DSG2: variants seen among roughly 807,000 people sequenced by gnomAD.
DSG2 encodes desmoglein-2.
A neutral mutation model predicts 75.6 loss-of-function variants in DSG2; 45 were observed. The ratio of observed to expected loss-of-function variants is 0.60; its 90% CI spans 0.47 to 0.76. The LOEUF (loss-of-function observed/expected upper bound fraction) is 0.76. Among genes scored for constraint, DSG2 ranks in the 30% least tolerant of loss-of-function variants. The probability of loss-of-function intolerance (pLI) is 0.00; values close to 1 mark genes in which losing one functional copy is unlikely to be tolerated. For synonymous variants in DSG2, 429 were observed against 483.9 expected, an observed-to-expected ratio of 0.89 and a Z score of 1.49; for missense variants, 1,267 against 1,357.4, an observed-to-expected ratio of 0.93 and a Z score of 1.05.
At chr18:31,534,402 C>T (rs1490360789) in intron 9 of DSG2, among the ~76,000 whole-genome samples, 4 of 151,994 alleles carry the variant, frequency 2.6e-5, no homozygotes, top group East Asian at 1.9e-4. Flanking sequence ...ACGATTTTAT[C>T]GGCATTGTTT....
Position 31,521,243 on chromosome 18 carries a change from C to T in DSG2, c.523C>T (p.His175Tyr), listed in dbSNP as rs375422019. 10 of 1,601,396 alleles carry T rather than the reference C, an allele frequency of 6.2e-6. No individual in the cohort carries two copies. Among genetic ancestry groups the T allele is most frequent in the Admixed American group, 5.1e-5 (3 of 58,350 alleles). Residue 175 changes from histidine (H) to tyrosine (Y), a missense_variant and splice_region_variant, in exon 5 of 15, where the codon CAT becomes TAT. Physicochemically the swap from His to Tyr is moderately conservative, Grantham distance 83 (BLOSUM62 2). Coordinates refer to ENST00000261590, the MANE Select transcript of DSG2 (RefSeq NM_001943.5). ...VGSVEELSAAHTLVMKINATD... is the reference protein window; with the variant it reads ...VGSVEELSAAYTLVMKINATD... ...GTCTGTTGAAGAGTTGAGTGCAGCA[C>T]GTAAGAGTCTTTTTTTTTTTTTTTA...
intron 13 of DSG2, 108 bp from the exon 14 acceptor site, chr18:31,542,412 G>A: frequency 8.4e-7 from 1 of 1,188,042 alleles, no homozygotes; most frequent in East Asian, 2.3e-5. Context: ...GGCCTCAGTG[G>A]AAATAGCTTA....
intron 6 of DSG2, among the ~76,000 whole-genome samples, chr18:31,523,459 C>T (rs1381798568): frequency 6.6e-6 from 1 of 152,116 alleles, no homozygotes; most frequent in Non-Finnish European, 1.5e-5. Context: ...CTGTGCCTAA[C>T]AGGCTTAAGG....
chr18:31,500,059 A>AAAT (rs1242354158), intron 1 of DSG2, among the ~76,000 whole-genome samples: 2 of 151,274 alleles, frequency 1.3e-5, no homozygotes, highest in Admixed American at 1.3e-4. Context: ...AAAAAAAAAA[A>AAAT]TGGAAAGCAA....
chr18:31,536,838 C>A (rs1255665537), intron 11 of DSG2, among the ~76,000 whole-genome samples: 2 of 152,202 alleles, frequency 1.3e-5, no homozygotes, highest in Non-Finnish European at 2.9e-5. Context: ...CATATTTAAT[C>A]CTTCCTTCAA....
rs1332523449 is a variant in DSG2 at position 31,546,598 on chromosome 18, C to CT, written c.3213dup (p.Arg1072Ter). 4 of 1,614,076 alleles carry CT rather than the reference C, an allele frequency of 2.5e-6. No individual in the cohort carries two copies. The African/African-American group carries it at 5.3e-5, about 22-fold the overall frequency. ...ATTCCCACTGAAAATTCTATGACGG[C>CT]TAGGAACACCACGGTGTCTGGAGCT... On this transcript the variant is annotated frameshift_variant, in exon 15 of 15. Transcript: ENST00000261590. LOFTEE classifies it low-confidence loss of function (END_TRUNC).
rs1420028518 is a variant in DSG2, at chr18:31,545,878, T to C, written c.2492T>C (p.Leu831Pro). Residue 831 changes from leucine to proline, a missense_variant, in exon 15 of 15, where the codon CTT becomes CCT. Transcript: ENST00000261590. ...GACCGCTTCTTAGATGATTTGGGAC[T>C]TAAATTCAAGACACTAGCTGAAGTT... ...LDDRFLDDLG[L>P]KFKTLAEVCL... 1.9e-6 allele frequency: 3 copies of C among 1,614,034 alleles called. No individual in the cohort carries two copies. Among genetic ancestry groups the C allele is most frequent in the African/African-American group, 2.7e-5 (2 of 74,916 alleles).
chr18:31,503,020 G>C (rs1598801545), intron 1 of DSG2, among the ~76,000 whole-genome samples: 1 of 152,196 alleles, frequency 6.6e-6, no homozygotes, highest in Non-Finnish European at 1.5e-5. Flanking sequence ...TTGGTGATTA[G>C]AGTGAAGAAG....
intron 1 of DSG2, among the ~76,000 whole-genome samples, chr18:31,509,019 A>T (rs2073053313): frequency 6.6e-6 from 1 of 152,162 alleles, no homozygotes; most frequent in Non-Finnish European, 1.5e-5. Flanking sequence ...AACCACTGTT[A>T]ACATCCCAAT....
rs748723718 is a variant in DSG2 at position 31,524,775 on chromosome 18, AT to A, written c.902del (p.Ile301LysfsTer23). 1 of 1,614,200 alleles carries A rather than the reference AT, an allele frequency of 6.2e-7. No individual in the cohort carries two copies. Among genetic ancestry groups the A allele is most frequent in the Admixed American group, 1.7e-5 (1 of 60,030 alleles). The stretch of plus-strand genomic sequence containing the variant: ...CATAAAAGTGTTCGATGCAGATGAA[AT>A]AGGTTCTGATAATTGGCTGGCAAAT... ...TRIKVFDADE[I>X]GSDNWLANFT... On this transcript the variant is annotated frameshift_variant, in exon 8 of 15. Transcript: ENST00000261590. LOFTEE classifies it high-confidence loss of function.
chr18:31,524,856 C>G lies in DSG2; in HGVS notation c.982C>G (p.Gln328Glu). Reference sequence around the variant, plus strand: ...TTATTTCCACATAGAAACAGATGCTCAAACTAACGAAGGAATTGTGACCCT... The same window carrying G: ...TTATTTCCACATAGAAACAGATGCTGAAACTAACGAAGGAATTGTGACCCT... ...GGYFHIETDA[Q>E]TNEGIVTLIK... The change falls in exon 8 of 15, where the codon CAA becomes GAA. Residue 328 changes from glutamine (Q) to glutamate (E), a missense_variant. Gln to Glu is a conservative substitution (Grantham distance 29). Transcript: ENST00000261590. 1.9e-6 allele frequency: 3 copies of G among 1,614,126 alleles called. No homozygotes were observed. The highest frequency in any genetic ancestry group is 2.2e-5 in the East Asian group (1 of 44,870).
chr18:31,541,086 G>A, intron 12 of DSG2, 107 bp from the exon 13 acceptor site: 1 of 1,413,032 alleles, frequency 7.1e-7, no homozygotes, highest in Non-Finnish European at 9.9e-7. Flanking sequence ...CTGTAAATAA[G>A]TGAAGACAAG....
chr18:31,546,811 C>T lies in DSG2; in HGVS notation c.*68C>T. The T allele has an allele frequency of 1.3e-6, 2 of 1,539,630 alleles. No individual in the cohort carries two copies. Among genetic ancestry groups the T allele is most frequent in the Non-Finnish European group, 1.8e-6 (2 of 1,112,958 alleles). On this transcript the variant is annotated 3_prime_UTR_variant, in exon 15 of 15. Transcript: ENST00000261590. ...GACTAATTTCATGTTTCCAATGTAC[C>T]TGATTTTTCATGAGCCTTACAGACA...
chr18:31,536,188 C>G lies in DSG2; in HGVS notation c.1424-14C>G. 6.2e-7 allele frequency: 1 copy of G among 1,611,990 alleles called. No homozygotes were observed. Among genetic ancestry groups the G allele is most frequent in the South Asian group, 1.1e-5 (1 of 90,998 alleles). On this transcript the variant is annotated splice_polypyrimidine_tract_variant and intron_variant, in intron 10 of 14. Transcript: ENST00000261590. ...GGAACAGAATGTACATACTTTTTCT[C>G]TCTTATTTTTAAGATTATCCTAGAA...
In DSG2 at chr18:31,498,201, C is replaced by T. The variant is rs1393980330; in HGVS notation, c.-51C>T. ...GGAGGAGCCGAGTGCGCGCTCGGGGCAGGCGGCGGCGCGGAGCGGTGCGGC... is the reference window on the plus strand; with the variant it reads ...GGAGGAGCCGAGTGCGCGCTCGGGGTAGGCGGCGGCGCGGAGCGGTGCGGC... On this transcript the variant is annotated 5_prime_UTR_variant, in exon 1 of 15. Transcript: ENST00000261590. The T allele has an allele frequency of 8.1e-7, 1 of 1,231,464 alleles. No homozygotes were observed. The highest frequency in any genetic ancestry group is 1.0e-6 in the Non-Finnish European group (1 of 984,430). 76.3% of individuals were successfully genotyped at this position (1,231,464 alleles called of 1,614,324 possible).
At chr18:31,516,099 TA>T (rs1454586324) in intron 1 of DSG2, among the ~76,000 whole-genome samples, 1 of 151,716 alleles carries the variant, frequency 6.6e-6, no homozygotes, top group African/African-American at 2.4e-5. Flanking sequence ...AAGAGAGGGA[TA>T]TAGAGCAATA....
At chr18:31,499,658 A>G (rs1469177394) in intron 1 of DSG2, among the ~76,000 whole-genome samples, 5 of 152,140 alleles carry the variant, frequency 3.3e-5, no homozygotes. Context: ...TTCCTTGTTT[A>G]AGGAGAATCC....
At chr18:31,507,236 G>A (rs2073043812) in intron 1 of DSG2, among the ~76,000 whole-genome samples, 1 of 152,178 alleles carries the variant, frequency 6.6e-6, no homozygotes, top group Admixed American at 6.5e-5. Flanking sequence ...CTTCATCCAT[G>A]TCCCTGCAAA....
rs771783215 is a variant in DSG2, at chr18:31,531,187, C to G, written c.1215C>G (p.Ser405Arg). 6 of 1,614,112 alleles carry G rather than the reference C, an allele frequency of 3.7e-6. No individual in the cohort carries two copies. The highest frequency in any genetic ancestry group is 1.3e-5 in the African/African-American group (1 of 75,024). ...TTAGCGAGAGCATGGATAGATCAAG[C>G]AAAGGCCAAATAATTGGAAATTTTC... ...IYVSESMDRS[S>R]KGQIIGNFQA... The change falls in exon 9 of 15, where the codon AGC becomes AGG. Residue 405 changes from serine (S) to arginine (R), a missense_variant. Ser to Arg is a moderately radical substitution (Grantham distance 110). Transcript: ENST00000261590.
Sources: gnomAD v4.1 joint callset for allele counts (sites outside exome capture counted in the v4.1 genomes callset) on GRCh38, gnomAD v4.1.1 for gene constraint, MANE v1.5 for transcripts, NCBI Gene and HGNC (gene_info 2026-07-23, HGNC 2026-07-21) for gene names.